PCDHGA2: variants seen among roughly 807,000 people sequenced by gnomAD.
The protein encoded by PCDHGA2 is protocadherin gamma subfamily A, 2.
In PCDHGA2, 40 loss-of-function variants were observed where a neutral mutation model predicts 59.2. The ratio of observed to expected loss-of-function variants is 0.68; its 90% confidence interval spans 0.52 to 0.88. The LOEUF is 0.88. Ranked by LOEUF, PCDHGA2 falls within the 40% of genes least tolerant of loss-of-function variation. The pLI is 0.00. For synonymous variants in PCDHGA2, 560 were observed against 526.0 expected, an observed-to-expected ratio of 1.06 and a Z score of -0.89; for missense variants, 1,226 against 1,204.0, an observed-to-expected ratio of 1.02 and a Z score of -0.27.
intron 2 of PCDHGA2, among the ~76,000 whole-genome samples, chr5:141,495,601 G>C (rs1315613802): frequency 6.6e-6 from 1 of 152,004 alleles, no homozygotes; most frequent in Non-Finnish European, 1.5e-5. Context: ...CTTAGCTTCC[G>C]TCTTGATTGC....
intron 1 of PCDHGA2, chr5:141,422,988 C>T: frequency 6.2e-7 from 1 of 1,614,232 alleles, no homozygotes; most frequent in Non-Finnish European, 8.5e-7. Context: ...AACCTGGCTA[C>T]CTGGTGACCA....
chr5:141,356,933 C>A, intron 1 of PCDHGA2: 1 of 1,614,184 alleles, frequency 6.2e-7, no homozygotes, highest in South Asian at 1.1e-5. Flanking sequence ...GTGGAGCTGG[C>A]ACCCCGCTCC....
At chr5:141,372,970 T>C (rs866196404) in intron 1 of PCDHGA2, 1 of 680,560 alleles carries the variant, frequency 1.5e-6, no homozygotes, top group East Asian at 2.8e-5. Flanking sequence ...GAATTTCCTG[T>C]AGAATATCTG....
intron 1 of PCDHGA2, chr5:141,413,690 A>G (rs553462819): frequency 6.2e-7 from 1 of 1,613,702 alleles, no homozygotes; most frequent in Non-Finnish European, 8.5e-7. Flanking sequence ...AACTCCCTGC[A>G]GAGCTATCAG....
rs369529373 is a variant in PCDHGA2 at position 141,458,890 on chromosome 5, C to T, written c.2425-35917C>T. Among the ~76,000 whole-genome samples, 87 of 152,160 alleles carry T rather than the reference C, an allele frequency of 5.7e-4. 1 individual carries two copies. In the South Asian group the frequency reaches 0.016, roughly 28 times the overall value. ...TGGGACTACAGGCATGCACACCATG[C>T]GCAGCTAATTTTTTCTATTTTTTGT... On this transcript the variant is annotated intron_variant, in intron 1 of 3. Coordinates refer to ENST00000394576, the MANE Select transcript of PCDHGA2 (RefSeq NM_018915.4).
At chr5:141,433,096 C>A in intron 1 of PCDHGA2, 3 of 1,614,118 alleles carry the variant, frequency 1.9e-6, no homozygotes, top group Non-Finnish European at 2.5e-6. Context: ...CAGACATGCT[C>A]GTCAGCCAGG....
At position 141,341,186 on chromosome 5, in the gene PCDHGA2, C is replaced by T; in HGVS notation, c.2215C>T (p.His739Tyr). Residue 739 changes from histidine (H) to tyrosine (Y), a missense_variant, in exon 1 of 4, where the codon CAC becomes TAC. By Grantham distance (83) the His-to-Tyr change is moderately conservative. Coordinates refer to ENST00000394576, the MANE Select transcript of PCDHGA2 (RefSeq NM_018915.4). The part of the protein sequence containing the change: ...GGSLTGMQSS[H>Y]FVGVDGVRAF... The stretch of plus-strand genomic sequence containing the variant: ...CAGCTTGACAGGCATGCAGAGCTCG[C>T]ACTTTGTGGGCGTGGACGGGGTTCG... 1 of 1,614,220 alleles carries T rather than the reference C, an allele frequency of 6.2e-7. No individual in the cohort carries two copies. The highest frequency in any genetic ancestry group is 1.7e-4 in the Middle Eastern group (1 of 6,056).
chr5:141,408,243 G>A lies in PCDHGA2; in HGVS notation c.2424+66848G>A, dbSNP rs372221747. ...GCGCAGAGGCGCCGGGCCGGCCCGC[G>A]GCAGGTGCTATTTCCTTTGCTGCTG... On this transcript the variant is annotated intron_variant, in intron 1 of 3. Transcript: ENST00000394576. 7 of 1,583,996 alleles carry A rather than the reference G, an allele frequency of 4.4e-6. 1 individual carries two copies. The highest frequency in any genetic ancestry group is 5.2e-6 in the Non-Finnish European group (6 of 1,164,814).
At chr5:141,444,059 T>C (rs2098415588) in intron 1 of PCDHGA2, among the ~76,000 whole-genome samples, 1 of 150,620 alleles carries the variant, frequency 6.6e-6, no homozygotes, top group Admixed American at 6.6e-5. Flanking sequence ...ATCTTCAATC[T>C]AGATTCTGAT....
chr5:141,387,756 A>G, intron 1 of PCDHGA2: 1 of 1,413,288 alleles, frequency 7.1e-7, no homozygotes, highest in Non-Finnish European at 9.4e-7. Context: ...CTCCTCGGAA[A>G]AAGAAGAATT....
At chr5:141,376,909 G>T (rs1253318299) in intron 1 of PCDHGA2, 1 of 186,916 alleles carries the variant, frequency 5.3e-6, no homozygotes, top group Non-Finnish European at 1.1e-5. Context: ...GGATGGTCTC[G>T]ATCTCCTGAC....
chr5:141,380,795 A>C (rs1776743298), intron 1 of PCDHGA2, among the ~76,000 whole-genome samples: 1 of 152,246 alleles, frequency 6.6e-6, no homozygotes, highest in African/African-American at 2.4e-5. Context: ...GTAGAATAAG[A>C]AACAAATGTG....
At chr5:141,379,974 A>ACTGCAACTTC (rs1471397851) in intron 1 of PCDHGA2, among the ~76,000 whole-genome samples, 23 of 128,142 alleles carry the variant, frequency 1.8e-4, no homozygotes, top group African/African-American at 6.6e-4. Context: ...ATCTCTGCTC[A>ACTGCAACTTC]CTGCAACTTC....
intron 1 of PCDHGA2, chr5:141,393,241 A>C (rs377394191): frequency 1.8e-4 from 292 of 1,613,684 alleles, no homozygotes; most frequent in Non-Finnish European, 2.3e-4. Context: ...GTAAAAATTA[A>C]CGAAATCGCG....
At chr5:141,435,800 A>G (rs530461064) in intron 1 of PCDHGA2, among the ~76,000 whole-genome samples, 20 of 152,128 alleles carry the variant, frequency 1.3e-4, no homozygotes, top group Non-Finnish European at 2.6e-4. Flanking sequence ...ATAACGTCCC[A>G]ATTATTTTTT....
At chr5:141,506,609 T>C (rs1375963880) in intron 3 of PCDHGA2, among the ~76,000 whole-genome samples, 1 of 152,184 alleles carries the variant, frequency 6.6e-6, no homozygotes, top group African/African-American at 2.4e-5. Context: ...GATCTCATTG[T>C]GGTGTTACCA....
At chr5:141,390,324 A>G in intron 1 of PCDHGA2, 2 of 1,605,484 alleles carry the variant, frequency 1.2e-6, no homozygotes, top group East Asian at 4.5e-5. Flanking sequence ...TTGCCTACCC[A>G]TTTCTCCATA....
At chr5:141,382,663 G>T (rs1236015442) in intron 1 of PCDHGA2, 1 of 419,258 alleles carries the variant, frequency 2.4e-6, no homozygotes, top group African/African-American at 2.0e-5. Context: ...GACTCACAGC[G>T]CCGCTGTTCA....
chr5:141,448,565 AT>A (rs2098595794), intron 1 of PCDHGA2, among the ~76,000 whole-genome samples: 1 of 152,070 alleles, frequency 6.6e-6, no homozygotes, highest in Non-Finnish European at 1.5e-5. Flanking sequence ...ATATATTTTT[AT>A]TTCCCCATTT....
Sources: gnomAD v4.1 joint callset for allele counts (sites outside exome capture counted in the v4.1 genomes callset) on GRCh38, gnomAD v4.1.1 for gene constraint, MANE v1.5 for transcripts, NCBI Gene and HGNC (gene_info 2026-07-23, HGNC 2026-07-21) for gene names.